NRDC: variants seen among roughly 807,000 people sequenced by gnomAD.
The protein encoded by NRDC is nardilysin convertase, also known as nardilysin.
A neutral mutation model predicts 147.1 loss-of-function variants in NRDC; 54 were observed. That is an observed-to-expected ratio of 0.37 (90% CI 0.29 to 0.46). The LOEUF is 0.46. Among genes scored for constraint, NRDC ranks in the 20% least tolerant of loss-of-function variants. NRDC has a pLI of 1.00. For synonymous variants in NRDC, 440 were observed against 482.1 expected (o/e 0.91, Z 1.14); for missense variants, 1,082 against 1,370.6 (o/e 0.79, Z 3.33).
At chr1:51,864,125 G>A (rs1303547617) in intron 1 of NRDC, among the ~76,000 whole-genome samples, 1 of 152,162 alleles carries the variant, frequency 6.6e-6, no homozygotes, top group South Asian at 2.1e-4. Flanking sequence ...GGTTTCTACT[G>A]AATGCATATC....
chr1:51,838,100 G>T (rs971429290), intron 2 of NRDC, among the ~76,000 whole-genome samples: 2 of 152,114 alleles, frequency 1.3e-5, no homozygotes, highest in Admixed American at 6.5e-5. Flanking sequence ...TGAACCCATT[G>T]CTTCTGAATC....
intron 1 of NRDC, among the ~76,000 whole-genome samples, chr1:51,845,404 C>A (rs943113403): frequency 2.6e-5 from 4 of 152,118 alleles, no homozygotes; most frequent in African/African-American, 9.7e-5. Flanking sequence ...ACCAGCCTGG[C>A]CAACAATGGC....
At chr1:51,873,169 CA>C (rs111616092) in intron 1 of NRDC, among the ~76,000 whole-genome samples, 17 of 147,140 alleles carry the variant, frequency 1.2e-4, no homozygotes, top group African/African-American at 3.5e-4. Flanking sequence ...CCATCCAATA[CA>C]AAAAAAAAAG....
rs1221484734 is a variant in NRDC, at chr1:51,800,788, A to G, written c.2314-105T>C. The G allele has an allele frequency of 3.8e-5, 43 of 1,138,680 alleles. 1 individual carries two copies. In the East Asian group the frequency reaches 1.0e-3, roughly 27 times the overall value. The allele number at this position is 1,138,680 out of a possible 1,614,324, so 70.5% of individuals were successfully genotyped here. The stretch of plus-strand genomic sequence containing the variant: ...TTTACCAGGTACCCAGCATGGAACT[A>G]GGCATTGTGGGGGGACATAAGAAAA... On this transcript the variant is annotated intron_variant, in intron 20 of 30. Coordinates refer to ENST00000352171, the MANE Select transcript of NRDC (RefSeq NM_001101662.2).
chr1:51,790,420 A>G, intron 29 of NRDC, 113 bp downstream of exon 29: 1 of 751,024 alleles, frequency 1.3e-6, no homozygotes. Context: ...TCAGGCCAGG[A>G]CTAGTGTTTC....
chr1:51,855,388 G>A (rs1051222148), intron 1 of NRDC, among the ~76,000 whole-genome samples: 4 of 151,640 alleles, frequency 2.6e-5, no homozygotes, highest in Non-Finnish European at 5.9e-5. Context: ...CTATAACAGA[G>A]CTAAAAGGAA....
At chr1:51,869,236 C>T (rs1159531022) in intron 1 of NRDC, among the ~76,000 whole-genome samples, 5 of 152,116 alleles carry the variant, frequency 3.3e-5, no homozygotes, top group East Asian at 1.9e-4. Flanking sequence ...CATGAACCAG[C>T]GCGCCCAGCC....
intron 1 of NRDC, among the ~76,000 whole-genome samples, chr1:51,876,189 T>C (rs1187846577): frequency 6.6e-6 from 1 of 152,192 alleles, no homozygotes. Context: ...GAAACCATTA[T>C]TGAACATTTG....
chr1:51,815,058 G>T (rs991070129), intron 11 of NRDC, among the ~76,000 whole-genome samples: 1 of 151,902 alleles, frequency 6.6e-6, no homozygotes, highest in Non-Finnish European at 1.5e-5. Context: ...ATGCAAATAC[G>T]AATAGATATG....
At chr1:51,793,661 T>A (rs992275363) in intron 24 of NRDC, among the ~76,000 whole-genome samples, 1 of 152,150 alleles carries the variant, frequency 6.6e-6, no homozygotes, top group Non-Finnish European at 1.5e-5. Flanking sequence ...AAAGAAATGA[T>A]AATCAGTCCA....
chr1:51,875,476 G>T (rs928468121), intron 1 of NRDC, among the ~76,000 whole-genome samples: 1 of 152,148 alleles, frequency 6.6e-6, no homozygotes, highest in African/African-American at 2.4e-5. Flanking sequence ...TTTCTCCCCC[G>T]GTGGAATTTA....
At chr1:51,836,296 G>C (rs1432945602) in intron 2 of NRDC, 84 bp from the exon 3 acceptor site, 1 of 1,580,336 alleles carries the variant, frequency 6.3e-7, no homozygotes, top group Admixed American at 1.7e-5. Flanking sequence ...TTCATTTGGA[G>C]ATGGATGTTT....
chr1:51,792,947 G>A (rs2149185058), intron 24 of NRDC, among the ~76,000 whole-genome samples: 1 of 152,304 alleles, frequency 6.6e-6, no homozygotes, highest in African/African-American at 2.4e-5. Context: ...GCAAAATAAT[G>A]CATTCAGAAT....
chr1:51,846,165 GC>G (rs563051164), intron 1 of NRDC, among the ~76,000 whole-genome samples: 1 of 151,736 alleles, frequency 6.6e-6, no homozygotes, highest in South Asian at 2.1e-4. Context: ...AGGTTGGAGT[GC>G]AGTGGTGCCG....
chr1:51,846,227 C>T (rs1021267119), intron 1 of NRDC, among the ~76,000 whole-genome samples: 1 of 152,076 alleles, frequency 6.6e-6, no homozygotes. Context: ...ATTCTCCTGC[C>T]TTAAGCTCCC....
intron 1 of NRDC, among the ~76,000 whole-genome samples, chr1:51,846,666 A>G (rs1681625017): frequency 6.6e-6 from 1 of 152,222 alleles, no homozygotes; most frequent in African/African-American, 2.4e-5. Context: ...ATAGCTCATA[A>G]AGGTAGTGAG....
chr1:51,791,093 G>A (rs1037696310), intron 27 of NRDC, 103 bp from the exon 28 acceptor site: 2 of 778,570 alleles, frequency 2.6e-6, no homozygotes, highest in Non-Finnish European at 4.2e-6. Flanking sequence ...TTAAGACTAA[G>A]ACATATATCC....
intron 20 of NRDC, among the ~76,000 whole-genome samples, chr1:51,802,662 C>T (rs12063006): frequency 0.043 from 6,616 of 152,128 alleles, 465 homozygotes; most frequent in African/African-American, 0.15. Flanking sequence ...TTACTGATGG[C>T]GTCTCCTTCT....
chr1:51,846,982 C>A (rs961524602), intron 1 of NRDC, among the ~76,000 whole-genome samples: 1 of 148,128 alleles, frequency 6.8e-6, no homozygotes, highest in Non-Finnish European at 1.5e-5. Flanking sequence ...CTGAGCTAGA[C>A]ACAGAGTGCT....
Sources: allele counts gnomAD v4.1 joint callset (sites outside exome capture counted in the v4.1 genomes callset), GRCh38; gene constraint gnomAD v4.1.1; transcripts MANE v1.5; gene names NCBI Gene and HGNC (gene_info 2026-07-23, HGNC 2026-07-21).